The following CREB3L4 variants were observed in gnomAD, a reference collection of about 807,000 sequenced individuals.
The protein encoded by CREB3L4 is cAMP responsive element binding protein 3 like 4.
A neutral mutation model predicts 37.0 loss-of-function variants in CREB3L4; 28 were observed. The ratio of observed to expected loss-of-function variants is 0.76; its 90% CI spans 0.56 to 1.04. The LOEUF (loss-of-function observed/expected upper bound fraction) is 1.04. Among genes scored for constraint, CREB3L4 ranks in the 50% least tolerant of loss-of-function variants. The pLI is 0.00. For synonymous variants in CREB3L4, 175 were observed against 192.2 expected, an observed-to-expected ratio of 0.91 and a Z score of 0.74; for missense variants, 462 against 486.0, an observed-to-expected ratio of 0.95 and a Z score of 0.46.
At chr1:153,970,600 G>T (rs991647968) in intron 4 of CREB3L4, among the ~76,000 whole-genome samples, 22 of 152,092 alleles carry the variant, frequency 1.4e-4, no homozygotes, top group Non-Finnish European at 2.8e-4. Flanking sequence ...GGGTAAAGAG[G>T]GGACTATGCT....
Position 153,974,201 on chromosome 1 carries a change from T to C in CREB3L4, c.*136T>C. 1 of 732,210 alleles carries C rather than the reference T, an allele frequency of 1.4e-6. No individual in the cohort carries two copies. 45.4% of individuals were successfully genotyped at this position (732,210 alleles called of 1,614,324 possible). On this transcript the variant is annotated 3_prime_UTR_variant, in exon 10 of 10. Coordinates refer to ENST00000368607, the MANE Select transcript of CREB3L4 (RefSeq NM_001255978.2). Reference sequence around the variant, plus strand: ...AATCACTTCAGGACACCCCAAGAGATGTCCTTTAGTCTCTGCCTGAGGCCT... The same window carrying C: ...AATCACTTCAGGACACCCCAAGAGACGTCCTTTAGTCTCTGCCTGAGGCCT...
In CREB3L4 at chr1:153,972,975, G is replaced by A. The variant is rs769433361; in HGVS notation, c.640G>A (p.Glu214Lys). ...TCACACATCCTGGGCCTCCAAGGCA[G>A]AGGAGAGGGTCCTCAAGAAGGTCAG... is the stretch of plus-strand genomic sequence containing the variant. ...LPSHLPLTKA[E>K]ERVLKKVRRK... Residue 214 changes from glutamate (E) to lysine (K), a missense_variant, in exon 6 of 10, where the codon GAG becomes AAG. By Grantham distance (56) the Glu-to-Lys change is moderately conservative. Coordinates refer to ENST00000368607, the MANE Select transcript of CREB3L4 (RefSeq NM_001255978.2). 16 of 1,613,998 alleles carry A rather than the reference G, an allele frequency of 9.9e-6. No homozygotes were observed. Among genetic ancestry groups the A allele is most frequent in the Non-Finnish European group, 1.3e-5 (15 of 1,179,964 alleles).
chr1:153,969,908 GC>G (rs370558063), intron 4 of CREB3L4, among the ~76,000 whole-genome samples: 168 of 148,974 alleles, frequency 1.1e-3, no homozygotes, highest in African/African-American at 3.5e-3. Flanking sequence ...GAGCCACTGT[GC>G]CCGACTAACA....
Position 153,968,680 on chromosome 1 carries a change from C to G in CREB3L4, c.155C>G (p.Ser52Cys), listed in dbSNP as rs1404946592. The change falls in exon 2 of 10, where the codon TCC (serine) becomes TGC (cysteine). Residue 52 changes from serine (S) to cysteine (C), a missense_variant. Ser to Cys is a moderately radical substitution (Grantham distance 112). Transcript: ENST00000368607. Reference sequence around the variant, plus strand: ...GAACAGGGACTGCAAGGCTGGAAGTCCGGTGGGGACCGTGGCTGTGTGAGT... The same window carrying G: ...GAACAGGGACTGCAAGGCTGGAAGTGCGGTGGGGACCGTGGCTGTGTGAGT... ...LQEQGLQGWK[S>C]GGDRGCGLQE... 6.2e-7 allele frequency: 1 copy of G among 1,613,672 alleles called. No homozygotes were observed. Among genetic ancestry groups the G allele is most frequent in the East Asian group, 2.2e-5 (1 of 44,868 alleles).
rs1647924716 is a variant in CREB3L4 at position 153,967,944 on chromosome 1, C to T, written c.-225C>T. 6.6e-6 allele frequency: 1 copy of T among 152,270 alleles called. No homozygotes were observed. The highest frequency in any genetic ancestry group is 6.5e-5 in the Admixed American group (1 of 15,284). 9.4% of individuals were successfully genotyped at this position (152,270 alleles called of 1,614,324 possible). ...TGCCATGATCTCCCTCTTGCAAAAG[C>T]GAGGGCTACAGAACAGGCATTCAGG... On this transcript the variant is annotated 5_prime_UTR_variant, in exon 1 of 10. An upstream open reading frame in the 5' UTR gains an earlier in-frame stop. Coordinates refer to ENST00000368607, the MANE Select transcript of CREB3L4 (RefSeq NM_001255978.2).
chr1:153,968,439 C>G (rs1647976009), intron 1 of CREB3L4, 83 bp from the exon 2 acceptor site: 5 of 1,281,598 alleles, frequency 3.9e-6, no homozygotes, highest in Non-Finnish European at 5.5e-6. Context: ...GAAAAGGGAG[C>G]AGAGGAGCCC....
chr1:153,968,476 C>T (rs1369363765), intron 1 of CREB3L4, 46 bp from the exon 2 acceptor site: 1 of 1,572,256 alleles, frequency 6.4e-7, no homozygotes, highest in Non-Finnish European at 8.7e-7. Context: ...AGTAAGCAGC[C>T]ATCATTCCGT....
intron 4 of CREB3L4, among the ~76,000 whole-genome samples, chr1:153,971,725 T>A (rs532825756): frequency 6.6e-6 from 1 of 151,482 alleles, no homozygotes; most frequent in African/African-American, 2.4e-5. Flanking sequence ...GAAAGGCACA[T>A]CAGGAAAAGC....
Position 153,972,815 on chromosome 1 carries a change from C to G in CREB3L4, c.615C>G (p.Pro205=), listed in dbSNP as rs200213224. ...TGGGGCAGGAAGGGGTTTCCCTGCC[C>G]TCTCACCTGCCCCTCACCAAGGTAA... ...RLLGQEGVSL[P]SHLPLTKAEE... The change falls in exon 5 of 10, where the codon CCC becomes CCG. Residue 205 remains proline (P), a synonymous_variant. Transcript: ENST00000368607. 6.2e-7 allele frequency: 1 copy of G among 1,613,816 alleles called. No homozygotes were observed. Among genetic ancestry groups the G allele is most frequent in the East Asian group, 2.2e-5 (1 of 44,864 alleles).
chr1:153,973,245 A>T lies in CREB3L4; in HGVS notation c.794A>T (p.Glu265Val). The T allele has an allele frequency of 6.2e-7, 1 of 1,614,086 alleles. No individual in the cohort carries two copies. The highest frequency in any genetic ancestry group is 8.5e-7 in the Non-Finnish European group (1 of 1,180,012). ...QNQELQKKVQ[E>V]LERHNISLVA... ...CAAGAATTACAGAAAAAAGTCCAGG[A>T]GCTGGAGAGGCACAACATGTGAGTG... is the stretch of plus-strand genomic sequence containing the variant. The change falls in exon 7 of 10, where the codon GAG (glutamate) becomes GTG (valine). Residue 265 changes from glutamate to valine, a missense_variant. Physicochemically the swap from Glu to Val is moderately radical, Grantham distance 121. Transcript: ENST00000368607.
intron 1 of CREB3L4, 118 bp downstream of exon 1, chr1:153,968,282 G>C: frequency 2.3e-6 from 1 of 439,402 alleles, no homozygotes; most frequent in Non-Finnish European, 4.1e-6. Flanking sequence ...GGCTATGCTG[G>C]CTTGACAGGG....
At chr1:153,972,710 C>T (rs1648496629) in intron 4 of CREB3L4, 34 bp from the exon 5 acceptor site, 1 of 1,572,570 alleles carries the variant, frequency 6.4e-7, no homozygotes, top group Non-Finnish European at 8.7e-7. Flanking sequence ...CCCCTCCTCA[C>T]TCCTATTGCA....
rs377374207 is a variant in CREB3L4, at chr1:153,972,102, T to C, written c.544-642T>C. Reference sequence around the variant, plus strand: ...CCTCCTAAAGTGCTGGGATTACAGGTGTGAGCCACTGTGCCCGGCCACATA... The same window carrying C: ...CCTCCTAAAGTGCTGGGATTACAGGCGTGAGCCACTGTGCCCGGCCACATA... On this transcript the variant is annotated intron_variant, in intron 4 of 9. Transcript: ENST00000368607. Among the ~76,000 whole-genome samples the C allele has an allele frequency of 1.1e-3, 172 of 152,280 alleles. 1 individual carries two copies. The highest frequency in any genetic ancestry group is 3.5e-3 in the African/African-American group (146 of 41,554).
intron 8 of CREB3L4, 36 bp downstream of exon 8, chr1:153,973,500 A>G (rs1348372071): frequency 6.3e-7 from 1 of 1,592,322 alleles, no homozygotes; most frequent in Admixed American, 1.7e-5. Context: ...CTCCCCCCAC[A>G]CTTCTATCCT....
chr1:153,973,855 T>C lies in CREB3L4; in HGVS notation c.995-17T>C. ...AGGGGAGCACTCTACTACTGCCCTC[T>C]TGCCTTCACCTCACAGTGACTTCCA... On this transcript the variant is annotated splice_polypyrimidine_tract_variant and intron_variant, in intron 9 of 9. Transcript: ENST00000368607. 1 of 1,613,232 alleles carries C rather than the reference T, an allele frequency of 6.2e-7. No homozygotes were observed. The highest frequency in any genetic ancestry group is 8.5e-7 in the Non-Finnish European group (1 of 1,179,410).
At chr1:153,969,613 C>G (rs982942485) in intron 4 of CREB3L4, 158 bp downstream of exon 4, 2 of 786,498 alleles carry the variant, frequency 2.5e-6, no homozygotes, top group East Asian at 2.6e-5. Context: ...AACAGTTGAA[C>G]TATTTTTTAT....
rs773805313 is a variant in CREB3L4, at chr1:153,973,233, A to C, written c.782A>C (p.Lys261Thr). 6.2e-7 allele frequency: 1 copy of C among 1,614,130 alleles called. No individual in the cohort carries two copies. Reference sequence around the variant, plus strand: ...TCTGCACAGAACCAAGAATTACAGAAAAAAGTCCAGGAGCTGGAGAGGCAC... The same window carrying C: ...TCTGCACAGAACCAAGAATTACAGACAAAAGTCCAGGAGCTGGAGAGGCAC... ...ACSAQNQELQ[K>T]KVQELERHNI... The change falls in exon 7 of 10, where the codon AAA becomes ACA. Residue 261 changes from lysine (K) to threonine (T), a missense_variant. Transcript: ENST00000368607.
At chr1:153,968,461 G>A in intron 1 of CREB3L4, 61 bp from the exon 2 acceptor site, 10 of 1,502,536 alleles carry the variant, frequency 6.7e-6, no homozygotes, top group Non-Finnish European at 9.1e-6. Flanking sequence ...GAAACTGTAG[G>A]GGGTAGTAAG....
In CREB3L4 at chr1:153,973,417, A is replaced by G. The variant is rs1648599692; in HGVS notation, c.850A>G (p.Ile284Val). The stretch of plus-strand genomic sequence containing the variant: ...TCAGCTCCGCCAGCTGCAGACGCTA[A>G]TTGCTCAAACTTCCAACAAAGCTGC... ...VAQLRQLQTL[I>V]AQTSNKAAQT... Residue 284 changes from isoleucine (I) to valine (V), a missense_variant, in exon 8 of 10, where the codon ATT (isoleucine) becomes GTT (valine). Physicochemically the swap from Ile to Val is conservative, Grantham distance 29. Transcript: ENST00000368607. The G allele has an allele frequency of 6.2e-7, 1 of 1,614,036 alleles. No individual in the cohort carries two copies. The highest frequency in any genetic ancestry group is 8.5e-7 in the Non-Finnish European group (1 of 1,180,012).
Sources: gnomAD v4.1 joint callset for allele counts (sites outside exome capture counted in the v4.1 genomes callset) on GRCh38, gnomAD v4.1.1 for gene constraint, MANE v1.5 for transcripts, NCBI Gene and HGNC (gene_info 2026-07-23, HGNC 2026-07-21) for gene names.